Variants in CDH4 observed in about 807,000 individuals in gnomAD.
CDH4 encodes cadherin-4.
A neutral mutation model predicts 86.0 loss-of-function variants in CDH4; 33 were observed. The observed-to-expected ratio is 0.38, with a 90% CI of 0.29 to 0.51. The LOEUF is 0.51. Among genes scored for constraint, CDH4 ranks in the 20% least tolerant of loss-of-function variants. The pLI is 0.86. For synonymous variants in CDH4, 555 were observed against 549.4 expected (o/e 1.01, Z -0.14); for missense variants, 1,114 against 1,307.4 (o/e 0.85, Z 2.28).
chr20:61,807,307 A>G lies in CDH4; in HGVS notation c.576+34125A>G, dbSNP rs1980189989. Among the ~76,000 whole-genome samples the G allele has an allele frequency of 6.6e-6, 1 of 152,230 alleles. No homozygotes were observed. Among genetic ancestry groups the G allele is most frequent in the South Asian group, 2.1e-4 (1 of 4,834 alleles). On this transcript the variant is annotated intron_variant, in intron 4 of 15. Transcript: ENST00000614565. This position sits in a 1 kb window ranked among gnomAD's most constrained non-coding sequence, Gnocchi z 4.5. ...ATTCAGAACCACCAGGGCCAGACCC[A>G]GCCTTGCTGTGGCCCCGCTGGGGTC...
chr20:61,776,506 G>A (rs1344580007), intron 4 of CDH4, among the ~76,000 whole-genome samples: 1 of 152,216 alleles, frequency 6.6e-6, no homozygotes, highest in Non-Finnish European at 1.5e-5. Flanking sequence ...CTATGGTTTG[G>A]AACCACTTTG....
At chr20:61,525,793 C>T (rs568505068) in intron 2 of CDH4, among the ~76,000 whole-genome samples, 1 of 152,160 alleles carries the variant, frequency 6.6e-6, no homozygotes, top group Non-Finnish European at 1.5e-5. Flanking sequence ...TGCCTATCCT[C>T]ATTTCAGGGA....
At chr20:61,882,857 C>T (rs1044968493) in intron 7 of CDH4, among the ~76,000 whole-genome samples, 7 of 151,288 alleles carry the variant, frequency 4.6e-5, no homozygotes, top group South Asian at 2.1e-4. Flanking sequence ...AGAAGTCACC[C>T]GGCCGGCCCC....
rs531799814 is a variant in CDH4 at position 61,783,607 on chromosome 20, A to G, written c.576+10425A>G. On this transcript the variant is annotated intron_variant, in intron 4 of 15. Coordinates refer to ENST00000614565, the MANE Select transcript of CDH4 (RefSeq NM_001794.5). Reference sequence around the variant, plus strand: ...TCAGGACAGTTCTCGAGGCCCTCAGATGTCCTGTGCTCCCAGGAGAATATA... The same window carrying G: ...TCAGGACAGTTCTCGAGGCCCTCAGGTGTCCTGTGCTCCCAGGAGAATATA... Among the ~76,000 whole-genome samples the G allele has an allele frequency of 1.2e-3, 170 of 137,326 alleles. 11 individuals carry two copies. Among genetic ancestry groups the G allele is most frequent in the African/African-American group, 4.1e-3 (148 of 36,098 alleles). The allele number at this position is 137,326 out of a possible 152,430, so 90.1% of individuals were successfully genotyped here. A position where few individuals can be genotyped will look rare whatever the true frequency, so the allele number is the denominator to read the frequency against.
chr20:61,473,169 A>C (rs891638891), intron 2 of CDH4, among the ~76,000 whole-genome samples: 1 of 152,232 alleles, frequency 6.6e-6, no homozygotes, highest in African/African-American at 2.4e-5. Flanking sequence ...TATCTCTCAG[A>C]TATAATAGGT....
intron 2 of CDH4, among the ~76,000 whole-genome samples, chr20:61,651,900 G>T (rs768332047): frequency 6.6e-6 from 1 of 152,220 alleles, no homozygotes; most frequent in Non-Finnish European, 1.5e-5. Context: ...CAGGGCCCCA[G>T]CTCTGGGGTG....
intron 2 of CDH4, among the ~76,000 whole-genome samples, chr20:61,556,614 G>A (rs553901279): frequency 5.3e-5 from 8 of 152,302 alleles, no homozygotes; most frequent in South Asian, 4.1e-4. Context: ...CAAAATTCCC[G>A]TTTTCATAGC....
At chr20:61,617,931 A>T (rs73144452) in intron 2 of CDH4, among the ~76,000 whole-genome samples, 1 of 152,230 alleles carries the variant, frequency 6.6e-6, no homozygotes, top group Non-Finnish European at 1.5e-5. Flanking sequence ...CATGGTAGTG[A>T]GTGAATGTCA....
intron 7 of CDH4, among the ~76,000 whole-genome samples, chr20:61,888,691 C>T (rs752191512): frequency 6.6e-6 from 1 of 152,224 alleles, no homozygotes; most frequent in Non-Finnish European, 1.5e-5. Context: ...ATGTCCATCC[C>T]ACATTCAGGA....
chr20:61,383,842 CGT>C (rs2084935890), intron 2 of CDH4, among the ~76,000 whole-genome samples: 1 of 85,368 alleles, frequency 1.2e-5, no homozygotes, highest in African/African-American at 5.6e-5. Context: ...GATATATATG[CGT>C]ATATATGAAG....
chr20:61,560,082 G>A (rs912405956), intron 2 of CDH4, among the ~76,000 whole-genome samples: 13 of 152,164 alleles, frequency 8.5e-5, no homozygotes, highest in African/African-American at 2.9e-4. Context: ...CCTGCCACTC[G>A]AACTTCGGAG....
chr20:61,520,540 G>C (rs745787855), intron 2 of CDH4, among the ~76,000 whole-genome samples: 1 of 152,232 alleles, frequency 6.6e-6, no homozygotes, highest in Non-Finnish European at 1.5e-5. Flanking sequence ...TGAAGCACCA[G>C]CTAAGCAAGT....
At chr20:61,483,558 T>G (rs13433210) in intron 2 of CDH4, among the ~76,000 whole-genome samples, 6,847 of 152,232 alleles carry the variant, frequency 0.045, 524 homozygotes, top group African/African-American at 0.16. Context: ...TTAGCAAACA[T>G]ACTGTGAGCT....
intron 2 of CDH4, among the ~76,000 whole-genome samples, chr20:61,332,638 A>T (rs1227811401): frequency 1.3e-5 from 2 of 152,200 alleles, no homozygotes; most frequent in Non-Finnish European, 2.9e-5. Flanking sequence ...GGGGTAATTG[A>T]AGGTTCTGCG....
intron 14 of CDH4, 98 bp from the exon 15 acceptor site, chr20:61,933,958 G>A (rs372419684): frequency 2.2e-6 from 3 of 1,375,612 alleles, no homozygotes; most frequent in Admixed American, 1.8e-5. Context: ...AGGGCAGCAG[G>A]TGCATCTGTG....
In CDH4 at chr20:61,810,504, G is replaced by GA. The variant is rs1243868116; in HGVS notation, c.577-34163dup. On this transcript the variant is annotated intron_variant, in intron 4 of 15. Transcript: ENST00000614565. This position sits in a 1 kb window ranked among gnomAD's most constrained non-coding sequence, Gnocchi z 4.3. ...TCACCCGCAGTGGGAAGGAGCAAGG[G>GA]AGCGTGTACGGGAACCAGAATCAGG... is the stretch of plus-strand genomic sequence containing the variant. Among the ~76,000 whole-genome samples, 1 of 152,132 alleles carries GA rather than the reference G, an allele frequency of 6.6e-6. No homozygotes were observed. The highest frequency in any genetic ancestry group is 1.9e-4 in the East Asian group (1 of 5,184).
intron 2 of CDH4, among the ~76,000 whole-genome samples, chr20:61,454,544 C>T (rs1234043499): frequency 6.6e-6 from 1 of 152,176 alleles, no homozygotes; most frequent in Non-Finnish European, 1.5e-5. Flanking sequence ...CTCCCGGGTT[C>T]ACGCCATTCT....
intron 2 of CDH4, among the ~76,000 whole-genome samples, chr20:61,464,797 G>C (rs1358127369): frequency 6.6e-6 from 1 of 152,190 alleles, no homozygotes; most frequent in Non-Finnish European, 1.5e-5. Context: ...GCATCCACTG[G>C]GGGGTGGAGG....
intron 2 of CDH4, among the ~76,000 whole-genome samples, chr20:61,289,410 G>A (rs183367493): frequency 1.3e-5 from 2 of 152,326 alleles, no homozygotes; most frequent in East Asian, 3.9e-4. Flanking sequence ...CTCTGGGGGA[G>A]GCTGTTTCTG....
Sources: gnomAD v4.1 joint callset for allele counts (sites outside exome capture counted in the v4.1 genomes callset) on GRCh38, gnomAD v4.1.1 for gene constraint, Gnocchi (gnomAD v3.1) non-coding constraint, MANE v1.5 for transcripts, NCBI Gene and HGNC (gene_info 2026-07-23, HGNC 2026-07-21) for gene names.